FAM120A: variants seen among roughly 807,000 people sequenced by gnomAD.
The protein encoded by FAM120A is family with sequence similarity 120 member A.
FAM120A carries 15 observed loss-of-function variants against 109.7 expected under a neutral mutation model. The ratio of observed to expected loss-of-function variants is 0.14; its 90% CI spans 0.09 to 0.21. The LOEUF is 0.21. FAM120A is among the 10% of genes least tolerant of loss of function. FAM120A has a pLI of 1.00. For missense variants in FAM120A, 899 were observed against 1,439.3 expected (o/e 0.62, Z 6.07); for synonymous variants, 493 against 572.8 (o/e 0.86, Z 1.99).
At chr9:93,482,912 T>A in intron 3 of FAM120A, among the ~76,000 whole-genome samples, 1 of 152,198 alleles carries the variant, frequency 6.6e-6, no homozygotes, top group East Asian at 1.9e-4. Context: ...GAGGTCCCAG[T>A]AGGTCTCATG....
chr9:93,525,074 TC>T (rs1861015440), intron 7 of FAM120A, among the ~76,000 whole-genome samples: 1 of 152,212 alleles, frequency 6.6e-6, no homozygotes, highest in Non-Finnish European at 1.5e-5. Flanking sequence ...AATATATTTG[TC>T]CTATTGAAAT....
intron 10 of FAM120A, among the ~76,000 whole-genome samples, chr9:93,536,793 T>G (rs760115075): frequency 6.6e-6 from 1 of 152,228 alleles, no homozygotes; most frequent in Non-Finnish European, 1.5e-5. Context: ...AAAAAATTCT[T>G]TTGAAAGTCA....
chr9:93,541,902 G>A (rs746086419), intron 10 of FAM120A, among the ~76,000 whole-genome samples: 2 of 152,128 alleles, frequency 1.3e-5, no homozygotes, highest in Non-Finnish European at 2.9e-5. Context: ...GAGAAACTGT[G>A]TATCCAAGTG....
intron 3 of FAM120A, among the ~76,000 whole-genome samples, chr9:93,481,238 CT>C (rs1329185474): frequency 6.6e-6 from 1 of 152,120 alleles, no homozygotes; most frequent in East Asian, 1.9e-4. Flanking sequence ...CAAAATGTGA[CT>C]TTTGGGGTTT....
chr9:93,519,128 C>T (rs1651819463), intron 7 of FAM120A, among the ~76,000 whole-genome samples: 1 of 152,070 alleles, frequency 6.6e-6, no homozygotes, highest in African/African-American at 2.4e-5. Flanking sequence ...TGCCATTTGC[C>T]CTCGGGACAG....
intron 1 of FAM120A, among the ~76,000 whole-genome samples, chr9:93,463,315 T>G (rs931020416): frequency 2.0e-5 from 3 of 152,250 alleles, no homozygotes; most frequent in African/African-American, 7.2e-5. Flanking sequence ...TCCCTTATTT[T>G]AAGAAATGTT....
intron 11 of FAM120A, among the ~76,000 whole-genome samples, chr9:93,544,178 T>A (rs1047846546): frequency 6.6e-6 from 1 of 152,238 alleles, no homozygotes; most frequent in African/African-American, 2.4e-5. Flanking sequence ...TTGTCCCGGC[T>A]TATCCTTGGG....
At chr9:93,468,859 T>A (rs1467249812) in intron 1 of FAM120A, among the ~76,000 whole-genome samples, 4 of 152,160 alleles carry the variant, frequency 2.6e-5, no homozygotes, top group Non-Finnish European at 1.5e-5. Flanking sequence ...GTTTTACAGC[T>A]CTTGAAATAT....
At chr9:93,562,665 C>CTTTTTTTTTTTTTTTTTTTTTTTTT (rs535421624) in intron 17 of FAM120A, among the ~76,000 whole-genome samples, 1 of 134,990 alleles carries the variant, frequency 7.4e-6, no homozygotes, top group South Asian at 2.3e-4. Flanking sequence ...CTTTCTTTTT[C>CTTTTTTTTTTTTTTTTTTTTTTTTT]TTTTTTTTTT....
chr9:93,522,125 GTTTAT>G (rs1166787352), intron 7 of FAM120A, among the ~76,000 whole-genome samples: 1 of 152,122 alleles, frequency 6.6e-6, no homozygotes, highest in Non-Finnish European at 1.5e-5. Context: ...TTGTGGAGGT[GTTTAT>G]TTTATGTTAT....
intron 1 of FAM120A, among the ~76,000 whole-genome samples, chr9:93,461,604 TCTTC>T (rs1201563248): frequency 6.6e-6 from 1 of 152,206 alleles, no homozygotes; most frequent in Non-Finnish European, 1.5e-5. Context: ...TGTGTGTGTT[TCTTC>T]CTTTTATCAT....
intron 1 of FAM120A, among the ~76,000 whole-genome samples, chr9:93,457,147 C>G (rs1857584083): frequency 6.6e-6 from 1 of 152,122 alleles, no homozygotes; most frequent in Non-Finnish European, 1.5e-5. Context: ...CTGGTGGATA[C>G]TTGGGTTGCT....
At chr9:93,549,449 T>C (rs1310572071) in intron 11 of FAM120A, among the ~76,000 whole-genome samples, 1 of 152,248 alleles carries the variant, frequency 6.6e-6, no homozygotes, top group East Asian at 1.9e-4. Context: ...ACGTAAACTT[T>C]CTACTTTGGG....
At chr9:93,558,048 G>A (rs1309405640) in intron 14 of FAM120A, 38 bp downstream of exon 14, 1 of 1,523,962 alleles carries the variant, frequency 6.6e-7, no homozygotes, top group Non-Finnish European at 8.8e-7. Context: ...GGTAACAGAT[G>A]CCAGATTCCT....
chr9:93,483,106 A>G (rs2131300719), intron 3 of FAM120A, among the ~76,000 whole-genome samples: 1 of 152,338 alleles, frequency 6.6e-6, no homozygotes, highest in South Asian at 2.1e-4. Flanking sequence ...AAATAGAAAG[A>G]TGAACTTCGT....
chr9:93,522,748 A>G (rs1860897243), intron 7 of FAM120A, among the ~76,000 whole-genome samples: 1 of 152,128 alleles, frequency 6.6e-6, no homozygotes, highest in Non-Finnish European at 1.5e-5. Flanking sequence ...ACATCTCCAC[A>G]TTTATTTTTA....
intron 10 of FAM120A, among the ~76,000 whole-genome samples, chr9:93,537,973 GAT>G (rs1271885822): frequency 6.6e-6 from 1 of 151,898 alleles, no homozygotes; most frequent in Non-Finnish European, 1.5e-5. Context: ...GAAGGCAAAT[GAT>G]ATGACAGGCC....
At chr9:93,558,986 G>T (rs906859132) in intron 15 of FAM120A, among the ~76,000 whole-genome samples, 3 of 152,160 alleles carry the variant, frequency 2.0e-5, no homozygotes, top group Non-Finnish European at 4.4e-5. Flanking sequence ...GTGCACCTGG[G>T]TAACCTGACC....
chr9:93,518,394 C>T (rs1417898781), intron 7 of FAM120A, among the ~76,000 whole-genome samples: 1 of 152,096 alleles, frequency 6.6e-6, no homozygotes, highest in South Asian at 2.1e-4. Flanking sequence ...CATAAGAGAA[C>T]AAAGAATTGC....
Sources: allele counts gnomAD v4.1 joint callset (sites outside exome capture counted in the v4.1 genomes callset), GRCh38; gene constraint gnomAD v4.1.1; transcripts MANE v1.5; gene names NCBI Gene and HGNC (gene_info 2026-07-23, HGNC 2026-07-21).